CELSR1: variants seen among roughly 807,000 people sequenced by gnomAD.
The protein encoded by CELSR1 is cadherin EGF LAG seven-pass G-type receptor 1.
CELSR1 carries 110 observed loss-of-function variants against 249.1 expected under a neutral mutation model. The observed-to-expected ratio is 0.44, with a 90% CI of 0.38 to 0.52. The LOEUF is 0.52. Ranked by LOEUF, CELSR1 falls within the 20% of genes least tolerant of loss-of-function variation. CELSR1 has a pLI of 0.00. For missense variants in CELSR1, 4,109 were observed against 4,296.4 expected, an observed-to-expected ratio of 0.96 and a Z score of 1.22; for synonymous variants, 2,113 against 1,900.0, an observed-to-expected ratio of 1.11 and a Z score of -2.92.
chr22:46,420,621 TAC>T (rs1217357920), intron 5 of CELSR1, among the ~76,000 whole-genome samples: 1 of 149,922 alleles, frequency 6.7e-6, no homozygotes, highest in African/African-American at 2.5e-5. Context: ...TACTCACCTG[TAC>T]ACACTCACCT....
rs574338209 is a variant in CELSR1 at position 46,394,047 on chromosome 22, C to T, written c.5964+95G>A. 70 of 1,491,456 alleles carry T rather than the reference C, an allele frequency of 4.7e-5. No individual in the cohort carries two copies. The East Asian group carries it at 6.8e-4, about 15-fold the overall frequency. The allele number at this position is 1,491,456 out of a possible 1,614,324, so 92.4% of individuals were successfully genotyped here. On this transcript the variant is annotated intron_variant, in intron 14 of 34. Coordinates refer to ENST00000674500, the MANE Select transcript of CELSR1 (RefSeq NM_001378328.1). ...TGTGTGCAGGGGTGTGAGTGTGTAC[C>T]GACAGGGTATGTGAAGGCGTGTGTG...
intron 18 of CELSR1, among the ~76,000 whole-genome samples, chr22:46,387,786 C>T (rs1385811420): frequency 6.6e-6 from 1 of 152,078 alleles, no homozygotes; most frequent in Non-Finnish European, 1.5e-5. Flanking sequence ...GGGGTTTTTC[C>T]ACGTATACCC....
chr22:46,462,712 C>T (rs2080045352), intron 2 of CELSR1: 2 of 254,200 alleles, frequency 7.9e-6, no homozygotes. Flanking sequence ...ATCAAATGAG[C>T]CGTCATTTTG....
intron 1 of CELSR1, among the ~76,000 whole-genome samples, chr22:46,491,008 C>T (rs2080361940): frequency 1.3e-5 from 2 of 152,104 alleles, no homozygotes; most frequent in African/African-American, 4.8e-5. Flanking sequence ...CCTCGGAAGT[C>T]AGGAGACGCC....
intron 1 of CELSR1, chr22:46,481,529 G>A (rs755745893): frequency 8.1e-5 from 106 of 1,314,000 alleles, no homozygotes; most frequent in Non-Finnish European, 1.1e-4. Flanking sequence ...AACTTCTCCA[G>A]CTCACTGGTG....
At position 46,409,263 on chromosome 22, in the gene CELSR1, CT is replaced by C; in HGVS notation, c.5060-102del. On this transcript the variant is annotated intron_variant, in intron 8 of 34. Coordinates refer to ENST00000674500, the MANE Select transcript of CELSR1 (RefSeq NM_001378328.1). The surrounding 1 kb of genome is among the most constrained non-coding windows in gnomAD (Gnocchi z 9.8). Reference sequence around the variant, plus strand: ...ATGGGCCTGCAGGCTAGGCCTGGGCCTTTTTCACTTTAACACGAAGGTGGGT... The same window carrying C: ...ATGGGCCTGCAGGCTAGGCCTGGGCCTTTTCACTTTAACACGAAGGTGGGT... The C allele has an allele frequency of 1.3e-5, 16 of 1,258,972 alleles. No homozygotes were observed. The highest frequency in any genetic ancestry group is 2.4e-5 in the East Asian group (1 of 41,072). 78.0% of individuals were successfully genotyped at this position (1,258,972 alleles called of 1,614,324 possible).
rs1338903324 is a variant in CELSR1, at chr22:46,407,838, T to C, written c.5226+1158A>G. Among the ~76,000 whole-genome samples, 1 of 152,214 alleles carries C rather than the reference T, an allele frequency of 6.6e-6. No individual in the cohort carries two copies. The highest frequency in any genetic ancestry group is 1.5e-5 in the Non-Finnish European group (1 of 68,042). On this transcript the variant is annotated intron_variant, in intron 9 of 34. Transcript: ENST00000674500. The surrounding 1 kb of genome is among the most constrained non-coding windows in gnomAD (Gnocchi z 4.8). Reference sequence around the variant, plus strand: ...GAATTGCCCAGTGAGTTTTCAGAGCTAGACCCTGATCAGAAAGGGTCACAG... The same window carrying C: ...GAATTGCCCAGTGAGTTTTCAGAGCCAGACCCTGATCAGAAAGGGTCACAG...
chr22:46,397,667 G>C lies in CELSR1; in HGVS notation c.5701+7C>G. 1 of 1,485,410 alleles carries C rather than the reference G, an allele frequency of 6.7e-7. No individual in the cohort carries two copies. The highest frequency in any genetic ancestry group is 9.0e-7 in the Non-Finnish European group (1 of 1,107,474). 92.0% of individuals were successfully genotyped at this position (1,485,410 alleles called of 1,614,324 possible). A position where few individuals can be genotyped will look rare whatever the true frequency, so the allele number is the denominator to read the frequency against. On this transcript the variant is annotated splice_region_variant and intron_variant, in intron 12 of 34. Transcript: ENST00000674500. ...GTCACTGAAGGGCCCCGGGAGGGCG[G>C]TCCCACCTTTGTCACAGACGCAGCT...
Position 46,437,795 on chromosome 22 carries a change from C to T in CELSR1, c.4406+1394G>A, listed in dbSNP as rs116237146. 6.9e-3 allele frequency among the ~76,000 whole-genome samples: 1,053 copies of T among 151,538 alleles called. 12 individuals carry two copies. Among genetic ancestry groups the T allele is most frequent in the African/African-American group, 0.024 (1,002 of 41,202 alleles). ...TGATGGTTCCCAACTGTCGCCCAAA[C>T]CCCCTCTCTTTAGAATGCAAGCAAG... On this transcript the variant is annotated intron_variant, in intron 3 of 34. Transcript: ENST00000674500. The surrounding 1 kb of genome is among the most constrained non-coding windows in gnomAD (Gnocchi z 4.9).
chr22:46,434,187 C>T lies in CELSR1; in HGVS notation c.4523-706G>A, dbSNP rs766445273. 3.3e-5 allele frequency among the ~76,000 whole-genome samples: 5 copies of T among 152,274 alleles called. No homozygotes were observed. The highest frequency in any genetic ancestry group is 2.1e-4 in the South Asian group (1 of 4,834). On this transcript the variant is annotated intron_variant, in intron 4 of 34. Coordinates refer to ENST00000674500, the MANE Select transcript of CELSR1 (RefSeq NM_001378328.1). The surrounding 1 kb of genome is among the most constrained non-coding windows in gnomAD (Gnocchi z 4.9). ...CAGGCTTTTAACAACTCTTAAACCA[C>T]GTAACACGTCCCATCGTGAGGTCGC...
chr22:46,386,646 G>A, intron 18 of CELSR1, 61 bp from the exon 19 acceptor site: 1 of 1,404,916 alleles, frequency 7.1e-7, no homozygotes, highest in East Asian at 2.6e-5. Flanking sequence ...GGGACGGAGG[G>A]ACACCTGCCC....
chr22:46,369,931 G>GAGTCCAGGGAGCC (rs769210652), intron 25 of CELSR1, 127 bp from the exon 26 acceptor site: 5 of 783,874 alleles, frequency 6.4e-6, no homozygotes, highest in Admixed American at 4.0e-5. Context: ...AAGGAGCAAG[G>GAGTCCAGGGAGCC]AGTCCAGGGA....
rs984647742 is a variant in CELSR1, at chr22:46,395,012, G to A, written c.5844-750C>T. Reference sequence around the variant, plus strand: ...CAACGGCCCCGCCCGAGTGTCCTGCGGGCTCCTGCAATCCCCCCTGGCTAA... The same window carrying A: ...CAACGGCCCCGCCCGAGTGTCCTGCAGGCTCCTGCAATCCCCCCTGGCTAA... On this transcript the variant is annotated intron_variant, in intron 13 of 34. Coordinates refer to ENST00000674500, the MANE Select transcript of CELSR1 (RefSeq NM_001378328.1). The surrounding 1 kb of genome is among the most constrained non-coding windows in gnomAD (Gnocchi z 5.5). Among the ~76,000 whole-genome samples the A allele has an allele frequency of 7.9e-5, 12 of 152,138 alleles. No individual in the cohort carries two copies. The highest frequency in any genetic ancestry group is 1.2e-4 in the African/African-American group (5 of 41,412).
intron 24 of CELSR1, among the ~76,000 whole-genome samples, chr22:46,375,307 C>A (rs1214992696): frequency 2.0e-5 from 3 of 152,170 alleles, no homozygotes; most frequent in Non-Finnish European, 4.4e-5. Flanking sequence ...CCATCTCACC[C>A]AGACCCTGCC....
chr22:46,424,443 C>T (rs1423786134), intron 5 of CELSR1, among the ~76,000 whole-genome samples: 2 of 152,064 alleles, frequency 1.3e-5, no homozygotes, highest in African/African-American at 4.8e-5. Flanking sequence ...AATTGTAAAA[C>T]AATAATACAG....
At chr22:46,378,308 G>A (rs769347897) in intron 23 of CELSR1, among the ~76,000 whole-genome samples, 5 of 152,132 alleles carry the variant, frequency 3.3e-5, no homozygotes, top group African/African-American at 9.7e-5. Flanking sequence ...CTGCCATTCC[G>A]GGGTTTAATA....
At chr22:46,530,639 G>C (rs1602247089) in intron 1 of CELSR1, 2 of 152,172 alleles carry the variant, frequency 1.3e-5, no homozygotes, top group Admixed American at 1.3e-4. Flanking sequence ...GCAGCTATTT[G>C]AATTTCACTA....
At chr22:46,444,264 C>A (rs2079791194) in intron 2 of CELSR1, among the ~76,000 whole-genome samples, 1 of 152,254 alleles carries the variant, frequency 6.6e-6, no homozygotes, top group South Asian at 2.1e-4. Context: ...GGTGGCCAGC[C>A]CTGAGTGAAG....
intron 1 of CELSR1, among the ~76,000 whole-genome samples, chr22:46,465,336 C>T (rs1048094602): frequency 1.3e-5 from 2 of 152,060 alleles, no homozygotes; most frequent in Non-Finnish European, 2.9e-5. Flanking sequence ...GCCCCCTGCC[C>T]ATGGCCCCCA....
Sources: gnomAD v4.1 joint callset for allele counts (sites outside exome capture counted in the v4.1 genomes callset) on GRCh38, gnomAD v4.1.1 for gene constraint, Gnocchi (gnomAD v3.1) non-coding constraint, MANE v1.5 for transcripts, NCBI Gene and HGNC (gene_info 2026-07-23, HGNC 2026-07-21) for gene names.